Variants in POU3F3 observed in about 807,000 individuals in gnomAD.
The protein encoded by POU3F3 is POU domain, class 3, transcription factor 3.
POU3F3 carries 1 observed loss-of-function variant against 8.6 expected under a neutral mutation model. The ratio of observed to expected loss-of-function variants is 0.12; its 90% CI spans 0.04 to 0.55. The LOEUF is 0.55. POU3F3 is among the 20% of genes least tolerant of loss of function. The pLI is 0.91. For synonymous variants in POU3F3, 418 were observed against 327.4 expected (o/e 1.28, Z -2.99); for missense variants, 577 against 690.7 (o/e 0.84, Z 1.84).
chr2:104,927,137 A>G, the POU3F3 span, among the ~76,000 whole-genome samples: 1 of 152,196 alleles, frequency 6.6e-6, no homozygotes, highest in Non-Finnish European at 1.5e-5. Context: ...GTGCCCTAAC[A>G]TGGTGGGAAA....
chr2:104,879,387 G>A, the POU3F3 span, among the ~76,000 whole-genome samples: 1 of 152,124 alleles, frequency 6.6e-6, no homozygotes, highest in Admixed American at 6.5e-5. Flanking sequence ...CTGAGGTAAC[G>A]TGTGGCTGTC....
At chr2:104,884,126 AC>A in the POU3F3 span, among the ~76,000 whole-genome samples, 1 of 152,138 alleles carries the variant, frequency 6.6e-6, no homozygotes, top group Admixed American at 6.5e-5. Flanking sequence ...TGTAGAGTGG[AC>A]TATGGAAGGG....
the POU3F3 span, chr2:104,868,258 C>G: frequency 2.2e-6 from 1 of 456,442 alleles, no homozygotes; most frequent in Non-Finnish European, 4.4e-6. Flanking sequence ...TGGGGCTCAG[C>G]GCAGAGCGGG....
the POU3F3 span, among the ~76,000 whole-genome samples, chr2:104,902,123 C>T: frequency 1.3e-5 from 2 of 152,088 alleles, no homozygotes; most frequent in Non-Finnish European, 2.9e-5. Flanking sequence ...CCTCTCTTCC[C>T]TCTCTCGCCC....
In POU3F3 at chr2:104,856,689, C is replaced by T. The variant is rs140419524; in HGVS notation, c.1179C>T (p.Ser393=). 4.0e-5 allele frequency: 64 copies of T among 1,614,140 alleles called. No individual in the cohort carries two copies. In the African/African-American group the frequency reaches 7.9e-4, roughly 20 times the overall value. The change falls in exon 1 of 1, where the codon AGC becomes AGT. Residue 393 remains serine (S), a synonymous_variant. Coordinates refer to ENST00000361360, the MANE Select transcript of POU3F3 (RefSeq NM_006236.3). ...AGGAGGCGGACTCAAGCACCGGCAG[C>T]CCCACAAGCATCGACAAGATCGCGG... is the stretch of plus-strand genomic sequence containing the variant. ...WLEEADSSTG[S]PTSIDKIAAQ...
At chr2:104,897,494 C>A in the POU3F3 span, among the ~76,000 whole-genome samples, 1 of 152,192 alleles carries the variant, frequency 6.6e-6, no homozygotes, top group Non-Finnish European at 1.5e-5. Flanking sequence ...AACCCCCCTC[C>A]CCCTACAGCC....
At chr2:104,915,610 C>T in the POU3F3 span, among the ~76,000 whole-genome samples, 2 of 152,102 alleles carry the variant, frequency 1.3e-5, no homozygotes, top group African/African-American at 2.4e-5. Context: ...CAGGCCTCCT[C>T]TAGTGGAGAC....
chr2:104,886,791 C>T, the POU3F3 span, among the ~76,000 whole-genome samples: 1 of 151,982 alleles, frequency 6.6e-6, no homozygotes, highest in African/African-American at 2.4e-5. Flanking sequence ...GCCTGTAATC[C>T]CAGGTACTCT....
chr2:104,888,421 T>C, the POU3F3 span, among the ~76,000 whole-genome samples: 1 of 152,326 alleles, frequency 6.6e-6, no homozygotes, highest in African/African-American at 2.4e-5. Context: ...GTTTGCCATC[T>C]CCTCGTTCTT....
the POU3F3 span, among the ~76,000 whole-genome samples, chr2:104,917,232 T>C: frequency 1.3e-5 from 2 of 152,152 alleles, no homozygotes; most frequent in African/African-American, 4.8e-5. Flanking sequence ...CAGTGTGCAA[T>C]CTAAATCTCC....
the POU3F3 span, among the ~76,000 whole-genome samples, chr2:104,914,938 G>A: frequency 6.6e-6 from 1 of 152,202 alleles, no homozygotes; most frequent in Non-Finnish European, 1.5e-5. Context: ...CGGGGAGCAA[G>A]GACAGTCTGC....
At chr2:104,925,174 G>A in the POU3F3 span, among the ~76,000 whole-genome samples, 3 of 152,312 alleles carry the variant, frequency 2.0e-5, no homozygotes, top group African/African-American at 7.2e-5. Flanking sequence ...TAGAGGAACT[G>A]GGAAATCAAC....
chr2:104,868,106 A>C, the POU3F3 span: 3 of 366,852 alleles, frequency 8.2e-6, no homozygotes, highest in Admixed American at 3.6e-5. Flanking sequence ...ACAATTAGGA[A>C]AAAGTAAGAA....
chr2:104,855,920 C>A lies in POU3F3; in HGVS notation c.410C>A (p.Pro137Gln), dbSNP rs1336850302. Residue 137 changes from proline (P) to glutamine (Q), a missense_variant, in exon 1 of 1, where the codon CCG becomes CAG. Pro to Gln is a moderately conservative substitution (Grantham distance 76, BLOSUM62 -1). Coordinates refer to ENST00000361360, the MANE Select transcript of POU3F3 (RefSeq NM_006236.3). ...ATGGCTGGCAGCCCCCAGCAGCCACCGCAGCCGCCGCCGCCACCGCCGCAG... is the reference window on the plus strand; with the variant it reads ...ATGGCTGGCAGCCCCCAGCAGCCACAGCAGCCGCCGCCGCCACCGCCGCAG... ...VGMAGSPQQP[P>Q]QPPPPPPQGP... is the part of the protein sequence containing the mutation. 1.9e-6 allele frequency: 2 copies of A among 1,063,860 alleles called. No individual in the cohort carries two copies. The highest frequency in any genetic ancestry group is 2.3e-6 in the Non-Finnish European group (2 of 880,372). 65.9% of individuals were successfully genotyped at this position (1,063,860 alleles called of 1,614,324 possible). A position where few individuals can be genotyped will look rare whatever the true frequency, so the allele number is the denominator to read the frequency against.
chr2:104,855,854 CCGT>C lies in POU3F3; in HGVS notation c.345_347del (p.Val116del), dbSNP rs749189956. ...GCCGCCGCCGCTGCCGCCGCCGCCG[CCGT>C]GGAGGCGAGCTCGCCGTGGTCGGGC... is the stretch of plus-strand genomic sequence containing the variant. On this transcript the variant is annotated inframe_deletion, in exon 1 of 1. Coordinates refer to ENST00000361360, the MANE Select transcript of POU3F3 (RefSeq NM_006236.3). 23 of 1,082,268 alleles carry C rather than the reference CCGT, an allele frequency of 2.1e-5. No individual in the cohort carries two copies. The highest frequency in any genetic ancestry group is 6.3e-5 in the South Asian group (2 of 31,864). The allele number at this position is 1,082,268 out of a possible 1,614,324, so 67.0% of individuals were successfully genotyped here.
the POU3F3 span, among the ~76,000 whole-genome samples, chr2:104,915,373 A>G: frequency 6.6e-6 from 1 of 152,200 alleles, no homozygotes; most frequent in Non-Finnish European, 1.5e-5. Flanking sequence ...AGTAGTGGCC[A>G]TGGATTGAAG....
At chr2:104,893,619 C>T in the POU3F3 span, among the ~76,000 whole-genome samples, 4 of 152,178 alleles carry the variant, frequency 2.6e-5, no homozygotes, top group East Asian at 3.9e-4. Context: ...CAGTGGCTCA[C>T]ACCTGTAATC....
chr2:104,910,450 TCCA>T, the POU3F3 span, among the ~76,000 whole-genome samples: 4 of 152,180 alleles, frequency 2.6e-5, no homozygotes, highest in African/African-American at 2.4e-5. Context: ...TTCTCCTTAT[TCCA>T]CCGACAGCCA....
chr2:104,857,052 G>T lies in POU3F3; in HGVS notation c.*39G>T, dbSNP rs1214519001. On this transcript the variant is annotated 3_prime_UTR_variant, in exon 1 of 1. Transcript: ENST00000361360. ...AGCGAAGAGGGCCGCCGCCGCCGCC[G>T]CCTCCGCAGCCGCCGTCAGCACCGC... 2.2e-6 allele frequency: 3 copies of T among 1,380,314 alleles called. No homozygotes were observed. The highest frequency in any genetic ancestry group is 2.8e-6 in the Non-Finnish European group (3 of 1,059,016). 85.5% of individuals were successfully genotyped at this position (1,380,314 alleles called of 1,614,324 possible).
Sources: allele counts gnomAD v4.1 joint callset (sites outside exome capture counted in the v4.1 genomes callset), GRCh38; gene constraint gnomAD v4.1.1; transcripts MANE v1.5; gene names NCBI Gene and HGNC (gene_info 2026-07-23, HGNC 2026-07-21).